Variants in GRAMD1C observed in about 807,000 individuals in gnomAD.
GRAMD1C encodes the protein protein Aster-C.
Under a neutral mutation model 97.8 loss-of-function variants are expected in GRAMD1C, and 89 were observed. The ratio of observed to expected loss-of-function variants is 0.91; its 90% CI spans 0.77 to 1.09. GRAMD1C has a LOEUF of 1.09. GRAMD1C is among the 50% of genes least tolerant of loss of function. GRAMD1C has a pLI of 0.00. For missense variants in GRAMD1C, 740 were observed against 766.4 expected, an observed-to-expected ratio of 0.97 and a Z score of 0.41; for synonymous variants, 256 against 267.0, an observed-to-expected ratio of 0.96 and a Z score of 0.40.
At chr3:113,895,725 C>G (rs1935912481) in intron 6 of GRAMD1C, among the ~76,000 whole-genome samples, 1 of 152,054 alleles carries the variant, frequency 6.6e-6, no homozygotes, top group Non-Finnish European at 1.5e-5. Context: ...TGTCAGAACT[C>G]CTCTATCTAT....
At position 113,915,786 on chromosome 3, in the gene GRAMD1C, C is replaced by A; in HGVS notation, c.1038C>A (p.Leu346=). Residue 346 remains leucine (L), a synonymous_variant, in exon 10 of 18, where the codon CTC becomes CTA. Coordinates refer to ENST00000358160, the MANE Select transcript of GRAMD1C (RefSeq NM_017577.5). ...GTGCTGACAGAATGTTTGAATTGCT[C>A]TTTACCAGTTCACGCTTTATGCAGA... ...HISADRMFEL[L]FTSSRFMQKF... 2 of 1,610,500 alleles carry A rather than the reference C, an allele frequency of 1.2e-6. No individual in the cohort carries two copies. The highest frequency in any genetic ancestry group is 1.7e-6 in the Non-Finnish European group (2 of 1,176,960).
intron 6 of GRAMD1C, chr3:113,897,683 A>G (rs973717767): frequency 1.0e-6 from 1 of 981,794 alleles, no homozygotes; most frequent in African/African-American, 1.7e-5. Flanking sequence ...CAACATACTT[A>G]GAATACACAG....
intron 6 of GRAMD1C, among the ~76,000 whole-genome samples, chr3:113,893,890 C>G (rs375466827): frequency 2.6e-5 from 4 of 152,106 alleles, no homozygotes; most frequent in East Asian, 1.9e-4. Context: ...TATAAATTCT[C>G]TTAGTTCAAG....
At chr3:113,934,661 G>A in intron 13 of GRAMD1C, 126 bp downstream of exon 13, 1 of 558,734 alleles carries the variant, frequency 1.8e-6, no homozygotes, top group Non-Finnish European at 3.2e-6. Context: ...CCATGAAAGT[G>A]GTTCCCACTG....
intron 2 of GRAMD1C, among the ~76,000 whole-genome samples, chr3:113,853,747 G>A (rs1934005434): frequency 6.6e-6 from 1 of 152,200 alleles, no homozygotes; most frequent in African/African-American, 2.4e-5. Flanking sequence ...AGTGATAGAA[G>A]CTATGAAGAC....
At chr3:113,943,686 G>A (rs1212635539) in intron 17 of GRAMD1C, among the ~76,000 whole-genome samples, 1 of 152,188 alleles carries the variant, frequency 6.6e-6, no homozygotes. Context: ...GGCCAAGGCA[G>A]GCAGATTGCC....
At chr3:113,941,816 G>A (rs568569887) in intron 17 of GRAMD1C, among the ~76,000 whole-genome samples, 8 of 152,044 alleles carry the variant, frequency 5.3e-5, no homozygotes, top group South Asian at 4.2e-4. Flanking sequence ...ACAGGGTTTC[G>A]CCATGTTGGC....
chr3:113,884,795 C>T (rs1197161034), intron 6 of GRAMD1C, among the ~76,000 whole-genome samples: 9 of 151,136 alleles, frequency 6.0e-5, no homozygotes, highest in Admixed American at 3.3e-4. Flanking sequence ...GCTGAGATCA[C>T]GCCACTGCAC....
In GRAMD1C at chr3:113,894,956, G is replaced by A. The variant is rs140111111; in HGVS notation, c.541-6075G>A. Among the ~76,000 whole-genome samples the A allele has an allele frequency of 3.4e-4, 52 of 152,222 alleles. 1 individual carries two copies. The East Asian group carries it at 9.5e-3, about 28-fold the overall frequency. On this transcript the variant is annotated intron_variant, in intron 6 of 17. Coordinates refer to ENST00000358160, the MANE Select transcript of GRAMD1C (RefSeq NM_017577.5). ...TGTCCTATTCCTCAGGTGTGTTGGGGAAAAAGGGTTTAAAACAGTTGATTG... is the reference window on the plus strand; with the variant it reads ...TGTCCTATTCCTCAGGTGTGTTGGGAAAAAAGGGTTTAAAACAGTTGATTG...
Position 113,841,285 on chromosome 3 carries a change from C to CTTTTTTTTTTTTTTTTTTTTT in GRAMD1C, c.27+2365_27+2366insTTTTTTTTTTTTTTTTTTTTT, listed in dbSNP as rs772233296. Among the ~76,000 whole-genome samples, 25 of 94,336 alleles carry CTTTTTTTTTTTTTTTTTTTTT rather than the reference C, an allele frequency of 2.7e-4. 2 individuals carry two copies. The highest frequency in any genetic ancestry group is 7.1e-4 in the East Asian group (2 of 2,806). 61.9% of individuals were successfully genotyped at this position (94,336 alleles called of 152,430 possible). ...TCACAAAGTACTTCTTTCTTTCTTT[C>CTTTTTTTTTTTTTTTTTTTTT]TTTTTTTTTTTTTTTTGCGAGACAG... On this transcript the variant is annotated intron_variant, in intron 1 of 17. Coordinates refer to ENST00000358160, the MANE Select transcript of GRAMD1C (RefSeq NM_017577.5).
intron 5 of GRAMD1C, among the ~76,000 whole-genome samples, chr3:113,881,451 C>T (rs1369594394): frequency 6.6e-6 from 1 of 152,204 alleles, no homozygotes; most frequent in Non-Finnish European, 1.5e-5. Flanking sequence ...AGCCACCATG[C>T]CCAGCCAAAT....
intron 9 of GRAMD1C, among the ~76,000 whole-genome samples, chr3:113,912,169 G>A (rs1161781894): frequency 6.6e-6 from 1 of 152,158 alleles, no homozygotes; most frequent in East Asian, 1.9e-4. Flanking sequence ...GTGAGTTAAA[G>A]GGGTAGAGAG....
chr3:113,887,803 G>A (rs1302895622), intron 6 of GRAMD1C, among the ~76,000 whole-genome samples: 2 of 148,478 alleles, frequency 1.3e-5, no homozygotes, highest in East Asian at 2.0e-4. Context: ...AGGACTGAAA[G>A]TGGTGACAAT....
chr3:113,856,491 G>A (rs936564117), intron 2 of GRAMD1C, among the ~76,000 whole-genome samples: 5 of 151,670 alleles, frequency 3.3e-5, no homozygotes, highest in South Asian at 2.1e-4. Context: ...TGTTACCCCC[G>A]GCTAGTCTGT....
intron 2 of GRAMD1C, among the ~76,000 whole-genome samples, chr3:113,860,437 G>A (rs1460230104): frequency 6.6e-6 from 1 of 152,184 alleles, no homozygotes; most frequent in African/African-American, 2.4e-5. Flanking sequence ...GCTTAATGTT[G>A]TTAATGATGG....
At chr3:113,919,666 T>C in intron 10 of GRAMD1C, 1 of 647,818 alleles carries the variant, frequency 1.5e-6, no homozygotes. Flanking sequence ...AATGTGATCT[T>C]ATTGTTCACC....
At chr3:113,893,737 C>G (rs1023435342) in intron 6 of GRAMD1C, among the ~76,000 whole-genome samples, 2 of 152,140 alleles carry the variant, frequency 1.3e-5, no homozygotes, top group African/African-American at 4.8e-5. Flanking sequence ...ATTGCGCTTC[C>G]CTTACTCTCA....
intron 9 of GRAMD1C, among the ~76,000 whole-genome samples, chr3:113,915,007 G>T (rs1936755544): frequency 6.6e-6 from 1 of 152,184 alleles, no homozygotes; most frequent in Non-Finnish European, 1.5e-5. Context: ...ATGAGAATAG[G>T]TGAGCAAGAT....
chr3:113,871,507 C>A (rs1376528787), intron 3 of GRAMD1C, among the ~76,000 whole-genome samples: 2 of 151,756 alleles, frequency 1.3e-5, no homozygotes, highest in Non-Finnish European at 2.9e-5. Context: ...ATCTCTACAG[C>A]ACTTTGGGAG....
Sources: gnomAD v4.1 joint callset for allele counts (sites outside exome capture counted in the v4.1 genomes callset) on GRCh38, gnomAD v4.1.1 for gene constraint, MANE v1.5 for transcripts, NCBI Gene and HGNC (gene_info 2026-07-23, HGNC 2026-07-21) for gene names.